EHBP1: variants seen among roughly 807,000 people sequenced by gnomAD.
EHBP1 encodes the protein EH domain-binding protein 1.
A neutral mutation model predicts 144.0 loss-of-function variants in EHBP1; 55 were observed. The ratio of observed to expected loss-of-function variants is 0.38; its 90% CI spans 0.31 to 0.48. The LOEUF is 0.48. Among genes scored for constraint, EHBP1 ranks in the 20% least tolerant of loss-of-function variants. The probability of loss-of-function intolerance (pLI) is 0.98; values close to 1 mark genes in which losing one functional copy is unlikely to be tolerated. For missense variants in EHBP1, 1,200 were observed against 1,364.2 expected, an observed-to-expected ratio of 0.88 and a Z score of 1.90; for synonymous variants, 469 against 472.7, an observed-to-expected ratio of 0.99 and a Z score of 0.10.
At chr2:62,955,470 T>C in intron 13 of EHBP1, 47 bp from the exon 14 acceptor site, 2 of 1,565,342 alleles carry the variant, frequency 1.3e-6, no homozygotes, top group South Asian at 1.2e-5. Flanking sequence ...CAAATGTAGA[T>C]TACCCGTTTT....
At chr2:62,913,309 C>G (rs1415127767) in intron 10 of EHBP1, among the ~76,000 whole-genome samples, 1 of 152,152 alleles carries the variant, frequency 6.6e-6, no homozygotes, top group Non-Finnish European at 1.5e-5. Context: ...GCCCTTCCCA[C>G]TAGTAGATCT....
chr2:62,753,268 T>TCC (rs2039933069), intron 3 of EHBP1, among the ~76,000 whole-genome samples: 1 of 152,168 alleles, frequency 6.6e-6, no homozygotes, highest in Non-Finnish European at 1.5e-5. Flanking sequence ...TGAAGCTTAG[T>TCC]TTGGCTGGAT....
At chr2:62,985,480 T>A (rs1192792607) in intron 15 of EHBP1, among the ~76,000 whole-genome samples, 2 of 152,210 alleles carry the variant, frequency 1.3e-5, no homozygotes, top group Admixed American at 6.5e-5. Flanking sequence ...GTTAAATTAA[T>A]CTTCTAAAGC....
intron 5 of EHBP1, among the ~76,000 whole-genome samples, chr2:62,815,077 G>C (rs1245839229): frequency 1.3e-5 from 2 of 152,078 alleles, no homozygotes; most frequent in African/African-American, 4.8e-5. Flanking sequence ...AGAAGATAAG[G>C]GTTCATCATA....
intron 1 of EHBP1, among the ~76,000 whole-genome samples, chr2:62,684,324 G>A (rs548124929): frequency 6.6e-6 from 1 of 151,900 alleles, no homozygotes; most frequent in Non-Finnish European, 1.5e-5. Flanking sequence ...GGGTAGAGTG[G>A]GGGAGGTAAA....
At chr2:62,879,590 C>CACACACACACACACAG (rs1453595274) in intron 10 of EHBP1, among the ~76,000 whole-genome samples, 8 of 139,198 alleles carry the variant, frequency 5.7e-5, no homozygotes, top group East Asian at 4.1e-4. Context: ...CACACACACA[C>CACACACACACACACAG]AGAGACAGAG....
chr2:62,732,423 A>T (rs774306762), intron 2 of EHBP1, among the ~76,000 whole-genome samples: 5 of 152,030 alleles, frequency 3.3e-5, no homozygotes, highest in Admixed American at 6.6e-5. Flanking sequence ...TCTCGTGTTC[A>T]GTTGTAATCC....
intron 5 of EHBP1, among the ~76,000 whole-genome samples, chr2:62,790,088 A>AT (rs2043074362): frequency 6.6e-6 from 1 of 152,190 alleles, no homozygotes; most frequent in Admixed American, 6.5e-5. Flanking sequence ...GAATATTTAT[A>AT]TTTCCACTGT....
At chr2:62,916,242 A>T (rs2054609129) in intron 10 of EHBP1, among the ~76,000 whole-genome samples, 1 of 152,118 alleles carries the variant, frequency 6.6e-6, no homozygotes, top group African/African-American at 2.4e-5. Flanking sequence ...AGGGAAAATA[A>T]CTTTCTGAAC....
At chr2:62,973,198 A>G (rs1416950564) in intron 14 of EHBP1, among the ~76,000 whole-genome samples, 2 of 152,194 alleles carry the variant, frequency 1.3e-5, no homozygotes, top group African/African-American at 2.4e-5. Flanking sequence ...TCAGAAAACT[A>G]GAATCATTTA....
At chr2:62,916,057 A>C (rs565220105) in intron 10 of EHBP1, among the ~76,000 whole-genome samples, 1 of 152,320 alleles carries the variant, frequency 6.6e-6, no homozygotes, top group African/African-American at 2.4e-5. Context: ...GTGGTAGTGC[A>C]CATGTGTAGT....
At chr2:62,732,974 C>T (rs1040915841) in intron 2 of EHBP1, among the ~76,000 whole-genome samples, 1 of 152,052 alleles carries the variant, frequency 6.6e-6, no homozygotes, top group East Asian at 1.9e-4. Context: ...TGATTTCTTG[C>T]GTTTCCTTTT....
intron 6 of EHBP1, among the ~76,000 whole-genome samples, chr2:62,828,711 A>T (rs2046532928): frequency 6.6e-6 from 1 of 152,194 alleles, no homozygotes; most frequent in Non-Finnish European, 1.5e-5. Flanking sequence ...ATCTTGTTCT[A>T]ATTCCTTTGG....
chr2:62,953,577 TA>T (rs904652076), intron 13 of EHBP1, among the ~76,000 whole-genome samples: 6 of 150,372 alleles, frequency 4.0e-5, no homozygotes, highest in African/African-American at 1.5e-4. Flanking sequence ...AATAAAATAA[TA>T]AAAAAATTAT....
intron 19 of EHBP1, among the ~76,000 whole-genome samples, chr2:63,029,878 G>A (rs1440882675): frequency 1.3e-5 from 2 of 152,062 alleles, no homozygotes; most frequent in Non-Finnish European, 1.5e-5. Flanking sequence ...ACAGGCACAC[G>A]CCACCATGCC....
At chr2:62,780,678 CTATACTG>C (rs2042361409) in intron 5 of EHBP1, among the ~76,000 whole-genome samples, 1 of 152,112 alleles carries the variant, frequency 6.6e-6, no homozygotes. Context: ...AGCCTGTCAA[CTATACTG>C]TATTTATCTT....
At chr2:62,725,169 G>C (rs1054190371) in intron 2 of EHBP1, among the ~76,000 whole-genome samples, 4 of 152,206 alleles carry the variant, frequency 2.6e-5, no homozygotes, top group African/African-American at 7.2e-5. Flanking sequence ...TGCTGTGGCG[G>C]TGGGGGCGCT....
intron 5 of EHBP1, among the ~76,000 whole-genome samples, chr2:62,794,258 A>T (rs2043379699): frequency 6.6e-6 from 1 of 152,072 alleles, no homozygotes; most frequent in African/African-American, 2.4e-5. Context: ...TGGTTAAATT[A>T]TATTCCTGGT....
At chr2:63,026,845 T>G (rs2061003682) in intron 19 of EHBP1, among the ~76,000 whole-genome samples, 1 of 152,240 alleles carries the variant, frequency 6.6e-6, no homozygotes, top group Non-Finnish European at 1.5e-5. Context: ...TCTGACATCA[T>G]TGCTAAGTCC....
Sources: allele counts gnomAD v4.1 joint callset (sites outside exome capture counted in the v4.1 genomes callset), GRCh38; gene constraint gnomAD v4.1.1; transcripts MANE v1.5; gene names NCBI Gene and HGNC (gene_info 2026-07-23, HGNC 2026-07-21).